The following PPP1R21 variants were observed in gnomAD, a reference collection of about 807,000 sequenced individuals.
PPP1R21 encodes KLRAQ motif containing 1.
PPP1R21 carries 85 observed loss-of-function variants against 112.8 expected under a neutral mutation model. That is an observed-to-expected ratio of 0.75 (90% CI 0.63 to 0.90). The LOEUF is 0.90. PPP1R21 is among the 40% of genes least tolerant of loss of function. PPP1R21 has a pLI of 0.00. For missense variants in PPP1R21, 1,199 were observed against 901.5 expected (o/e 1.33, Z -4.23); for synonymous variants, 381 against 322.3 (o/e 1.18, Z -1.95).
Position 48,465,610 on chromosome 2 carries a change from G to A in PPP1R21, c.865G>A (p.Ala289Thr), listed in dbSNP as rs1274407019. ...GATTCAAATTTTTCCTGTTGATTCT[G>A]CCATTGACACTATATCTCCATTGAA... ...QRIQIFPVDS[A>T]IDTISPLNQK... Residue 289 changes from alanine to threonine, a missense_variant, in exon 9 of 22, where the codon GCC becomes ACC. Coordinates refer to ENST00000294952, the MANE Select transcript of PPP1R21 (RefSeq NM_001135629.3). 1.2e-6 allele frequency: 2 copies of A among 1,613,348 alleles called. No homozygotes were observed. The highest frequency in any genetic ancestry group is 8.5e-7 in the Non-Finnish European group (1 of 1,179,772).
intron 13 of PPP1R21, among the ~76,000 whole-genome samples, chr2:48,481,401 C>T (rs1482114786): frequency 1.3e-5 from 2 of 152,200 alleles, no homozygotes; most frequent in African/African-American, 2.4e-5. Context: ...AACTCCAGTC[C>T]TGCAGAATTT....
At chr2:48,477,611 C>T (rs145183771) in intron 12 of PPP1R21, among the ~76,000 whole-genome samples, 34 of 150,116 alleles carry the variant, frequency 2.3e-4, no homozygotes, top group African/African-American at 8.3e-4. Flanking sequence ...ACCATAATAT[C>T]TTGATGATTG....
At chr2:48,502,856 A>G (rs1332912409) in intron 17 of PPP1R21, among the ~76,000 whole-genome samples, 2 of 151,286 alleles carry the variant, frequency 1.3e-5, no homozygotes, top group African/African-American at 2.4e-5. Context: ...AATTTTTTGT[A>G]TTTTTAGTAG....
At chr2:48,450,951 C>T (rs1250924343) in intron 1 of PPP1R21, 57 bp from the exon 2 acceptor site, 9 of 1,431,842 alleles carry the variant, frequency 6.3e-6, no homozygotes, top group Non-Finnish European at 7.9e-6. Flanking sequence ...ATGTGATTTC[C>T]TTGATATAAC....
chr2:48,504,407 G>C (rs148008410), intron 17 of PPP1R21, among the ~76,000 whole-genome samples: 14,609 of 152,178 alleles, frequency 0.096, 779 homozygotes, highest in Non-Finnish European at 0.12. Flanking sequence ...CTTTGGGAGG[G>C]TGAGGCAGGC....
chr2:48,443,049 A>G (rs1398518315), intron 1 of PPP1R21, among the ~76,000 whole-genome samples: 5 of 152,070 alleles, frequency 3.3e-5, no homozygotes, highest in African/African-American at 1.2e-4. Flanking sequence ...AAAGTTAGTG[A>G]CCTCTGGGGC....
intron 9 of PPP1R21, among the ~76,000 whole-genome samples, chr2:48,467,178 T>G (rs538541288): frequency 4.3e-4 from 66 of 152,134 alleles, no homozygotes; most frequent in Non-Finnish European, 8.8e-4. Flanking sequence ...GGGGGCATTT[T>G]CAGGGTTTGT....
chr2:48,457,681 C>T (rs1404973801), intron 3 of PPP1R21, among the ~76,000 whole-genome samples: 2 of 151,458 alleles, frequency 1.3e-5, no homozygotes, highest in Non-Finnish European at 2.9e-5. Flanking sequence ...ATAAACTTAC[C>T]TTTGTGGATG....
At chr2:48,454,431 A>G (rs1417216354) in intron 2 of PPP1R21, 164 bp from the exon 3 acceptor site, 2 of 745,428 alleles carry the variant, frequency 2.7e-6, no homozygotes, top group Non-Finnish European at 4.4e-6. Context: ...TTATCTTTTC[A>G]CAAAGTGCTA....
chr2:48,454,805 C>A, intron 3 of PPP1R21, 64 bp downstream of exon 3: 1 of 1,318,872 alleles, frequency 7.6e-7, no homozygotes, highest in Non-Finnish European at 1.1e-6. Flanking sequence ...TACAGGGCAT[C>A]CTGGTTTTAA....
intron 7 of PPP1R21, among the ~76,000 whole-genome samples, chr2:48,463,253 C>T (rs2103811256): frequency 6.6e-6 from 1 of 152,168 alleles, no homozygotes; most frequent in Middle Eastern, 3.4e-3. Context: ...TCCCAGTGAT[C>T]AGGAGGCAGA....
intron 2 of PPP1R21, among the ~76,000 whole-genome samples, chr2:48,452,088 T>G (rs779528346): frequency 2.5e-4 from 38 of 152,376 alleles, no homozygotes; most frequent in Middle Eastern, 3.4e-3. Flanking sequence ...GATTTATTAG[T>G]CAAGTTATTG....
intron 13 of PPP1R21, among the ~76,000 whole-genome samples, chr2:48,484,604 A>G (rs1192844329): frequency 1.4e-5 from 2 of 145,596 alleles, no homozygotes; most frequent in African/African-American, 5.1e-5. Flanking sequence ...GCAACCTCCC[A>G]CTCTTGGGTT....
At chr2:48,475,984 T>G (rs2103871237) in intron 12 of PPP1R21, among the ~76,000 whole-genome samples, 1 of 152,342 alleles carries the variant, frequency 6.6e-6, no homozygotes, top group East Asian at 1.9e-4. Context: ...ATGTATTAAT[T>G]AAAGTTTACA....
rs542462533 is a variant in PPP1R21 at position 48,508,095 on chromosome 2, T to C, written c.2085+710T>C. 4.0e-5 allele frequency among the ~76,000 whole-genome samples: 6 copies of C among 149,664 alleles called. No individual in the cohort carries two copies. The South Asian group carries it at 1.1e-3, about 26-fold the overall frequency. On this transcript the variant is annotated intron_variant, in intron 19 of 21. Transcript: ENST00000294952. ...TCTGCCTTTAAAAAAAAAAAAAAAG[T>C]TATTGCACTATGCAGTATCATCTAT...
chr2:48,476,731 C>G (rs1359796103), intron 12 of PPP1R21, among the ~76,000 whole-genome samples: 1 of 151,932 alleles, frequency 6.6e-6, no homozygotes, highest in Non-Finnish European at 1.5e-5. Context: ...TACTTATTGG[C>G]CATTTGTATA....
intron 2 of PPP1R21, among the ~76,000 whole-genome samples, chr2:48,452,541 T>C (rs1260982759): frequency 3.3e-5 from 5 of 150,472 alleles, no homozygotes; most frequent in Non-Finnish European, 5.9e-5. Flanking sequence ...ATATAAATTA[T>C]GAGAAAAATA....
intron 9 of PPP1R21, among the ~76,000 whole-genome samples, chr2:48,469,535 T>TAGAGAGAGAGAG (rs1286076900): frequency 2.7e-5 from 2 of 73,234 alleles, no homozygotes; most frequent in Non-Finnish European, 5.3e-5. Flanking sequence ...TATATATATA[T>TAGAGAGAGAGAG]AGAGCATATA....
At chr2:48,466,015 T>C (rs954680662) in intron 9 of PPP1R21, among the ~76,000 whole-genome samples, 6 of 152,106 alleles carry the variant, frequency 3.9e-5, no homozygotes, top group Admixed American at 2.6e-4. Context: ...AAAAGAGAGC[T>C]TGTGGAGGGA....
Sources: gnomAD v4.1 joint callset for allele counts (sites outside exome capture counted in the v4.1 genomes callset) on GRCh38, gnomAD v4.1.1 for gene constraint, MANE v1.5 for transcripts, NCBI Gene and HGNC (gene_info 2026-07-23, HGNC 2026-07-21) for gene names.